The following BCO1 variants were observed in gnomAD, a reference collection of about 807,000 sequenced individuals.
BCO1 encodes the protein beta-carotene oxygenase 1.
Under a neutral mutation model 56.3 loss-of-function variants are expected in BCO1, and 54 were observed. The observed-to-expected ratio is 0.96, with a 90% confidence interval of 0.77 to 1.20. BCO1 has a LOEUF of 1.20. BCO1 is among the 50% of genes most tolerant of loss of function. The pLI is 0.00. For missense variants in BCO1, 801 were observed against 690.9 expected (o/e 1.16, Z -1.79); for synonymous variants, 318 against 266.1 (o/e 1.20, Z -1.90).
chr16:81,283,325 C>A (rs923569481), intron 8 of BCO1, among the ~76,000 whole-genome samples: 1 of 151,990 alleles, frequency 6.6e-6, no homozygotes, highest in Admixed American at 6.6e-5. Context: ...AGGCATTACT[C>A]ATGCCTGTAA....
chr16:81,268,185 G>A, intron 6 of BCO1, 54 bp downstream of exon 6: 3 of 1,525,094 alleles, frequency 2.0e-6, no homozygotes, highest in South Asian at 2.2e-5. Flanking sequence ...ATGGAGGGAG[G>A]CTGGTGTGCA....
At chr16:81,264,514 G>C in intron 4 of BCO1, 126 bp from the exon 5 acceptor site, 2 of 1,181,718 alleles carry the variant, frequency 1.7e-6, no homozygotes, top group Non-Finnish European at 2.5e-6. Context: ...TCATCTCTCT[G>C]AACCTAGAAT....
intron 2 of BCO1, among the ~76,000 whole-genome samples, chr16:81,248,502 C>G (rs1291726274): frequency 6.6e-6 from 1 of 151,804 alleles, no homozygotes; most frequent in Non-Finnish European, 1.5e-5. Context: ...GTGCCTTGCT[C>G]TAACATTTAC....
chr16:81,267,067 G>A (rs1202784958), intron 5 of BCO1, among the ~76,000 whole-genome samples: 3 of 152,292 alleles, frequency 2.0e-5, no homozygotes, highest in South Asian at 2.1e-4. Flanking sequence ...AACTGAACAC[G>A]TATTGAGCAC....
At chr16:81,276,992 G>A (rs866214925) in intron 7 of BCO1, among the ~76,000 whole-genome samples, 2 of 151,488 alleles carry the variant, frequency 1.3e-5, no homozygotes, top group Middle Eastern at 3.4e-3. Context: ...GCTCGAACCC[G>A]GGAGGCGGAG....
chr16:81,263,145 C>G (rs1344839829), intron 4 of BCO1: 1 of 140,078 alleles, frequency 7.1e-6, no homozygotes. Context: ...GTGTCTTGCT[C>G]TGTCGCCCAG....
In BCO1 at chr16:81,287,387, T is replaced by C. The variant is rs1908245233; in HGVS notation, c.1395T>C (p.Gly465=). 6.2e-7 allele frequency: 1 copy of C among 1,613,690 alleles called. No homozygotes were observed. Among genetic ancestry groups the C allele is most frequent in the African/African-American group, 1.3e-5 (1 of 74,872 alleles). Residue 465 remains glycine (G), a synonymous_variant, in exon 10 of 11, where the codon GGT becomes GGC. Transcript: ENST00000258168. ...AACCCCTGTTTGTGCCCGCGCCAGG[T>C]GCCAAGGATGAGGATGACGGTAAGA... ...PAEPLFVPAP[G]AKDEDDGVIL...
chr16:81,267,132 G>C (rs1389795432), intron 5 of BCO1, among the ~76,000 whole-genome samples: 1 of 152,128 alleles, frequency 6.6e-6, no homozygotes, highest in Non-Finnish European at 1.5e-5. Context: ...ATTTCATTCT[G>C]TTCTCTACCT....
intron 7 of BCO1, among the ~76,000 whole-genome samples, chr16:81,271,173 G>T (rs1484289022): frequency 6.6e-6 from 1 of 151,730 alleles, no homozygotes; most frequent in African/African-American, 2.4e-5. Flanking sequence ...GGAGTGCAGT[G>T]CCATGATCTA....
intron 2 of BCO1, among the ~76,000 whole-genome samples, chr16:81,252,920 C>T (rs1305257276): frequency 2.0e-5 from 3 of 152,110 alleles, no homozygotes; most frequent in African/African-American, 7.2e-5. Flanking sequence ...ACCATCCTGG[C>T]CAACATGGTG....
Position 81,264,540 on chromosome 16 carries a change from A to G in BCO1, c.472-100A>G, listed in dbSNP as rs369214670. 3.8e-5 allele frequency: 53 copies of G among 1,401,796 alleles called. No homozygotes were observed. In the African/African-American group the frequency reaches 6.5e-4, roughly 17 times the overall value. 86.8% of individuals were successfully genotyped at this position (1,401,796 alleles called of 1,614,324 possible). A position where few individuals can be genotyped will look rare whatever the true frequency, so the allele number is the denominator to read the frequency against. ...AACCTAGAATCAGTCACGTTTTCAT[A>G]GGACTTCAACCTTTCTCCTTTGAAA... On this transcript the variant is annotated intron_variant, in intron 4 of 10. Transcript: ENST00000258168.
At chr16:81,287,677 T>C (rs549025426) in intron 10 of BCO1, among the ~76,000 whole-genome samples, 1 of 152,188 alleles carries the variant, frequency 6.6e-6, no homozygotes, top group East Asian at 1.9e-4. Context: ...CAAGTGCTTA[T>C]GTTCACAGTT....
intron 3 of BCO1, 43 bp downstream of exon 3, chr16:81,259,848 C>G (rs768073650): frequency 1.2e-6 from 2 of 1,612,376 alleles, no homozygotes; most frequent in African/African-American, 2.7e-5. Context: ...ATGCTTTTTG[C>G]TATCCTTGAT....
intron 1 of BCO1, among the ~76,000 whole-genome samples, chr16:81,244,438 G>T (rs185676148): frequency 1.3e-5 from 2 of 152,082 alleles, no homozygotes; most frequent in Admixed American, 1.3e-4. Context: ...GTTCACTTTT[G>T]TTCATACTAA....
chr16:81,245,446 G>T, intron 1 of BCO1, 29 bp from the exon 2 acceptor site: 1 of 1,614,104 alleles, frequency 6.2e-7, no homozygotes, highest in Non-Finnish European at 8.5e-7. Flanking sequence ...AGGTGGAAAC[G>T]GGAAACTAAA....
chr16:81,289,755 G>C (rs892854927), intron 10 of BCO1, among the ~76,000 whole-genome samples: 2 of 152,238 alleles, frequency 1.3e-5, no homozygotes, highest in African/African-American at 4.8e-5. Flanking sequence ...ACCCTGTGGA[G>C]TGTAGGTGAG....
At chr16:81,253,732 G>A (rs577953313) in intron 2 of BCO1, among the ~76,000 whole-genome samples, 14 of 152,306 alleles carry the variant, frequency 9.2e-5, no homozygotes, top group African/African-American at 3.4e-4. Flanking sequence ...AGGATGCCAA[G>A]GCGGGAGGAT....
At chr16:81,262,318 A>T (rs1906538104) in intron 4 of BCO1, 35 bp downstream of exon 4, 1 of 1,603,594 alleles carries the variant, frequency 6.2e-7, no homozygotes, top group Non-Finnish European at 8.5e-7. Context: ...TCACTTCCTG[A>T]CTCAAGAAAG....
In BCO1 at chr16:81,284,125, G is replaced by A. The variant is rs564872607; in HGVS notation, c.1208-1415G>A. Among the ~76,000 whole-genome samples the A allele has an allele frequency of 1.2e-3, 182 of 151,518 alleles. 2 individuals carry two copies. Among genetic ancestry groups the A allele is most frequent in the African/African-American group, 4.1e-3 (171 of 41,320 alleles). On this transcript the variant is annotated intron_variant, in intron 8 of 10. Coordinates refer to ENST00000258168, the MANE Select transcript of BCO1 (RefSeq NM_017429.3). ...GGAGAATTGCTTGAACCTGGGAGGCGGTGGTTGCAGTGAGTTGAGATTGAG... is the reference window on the plus strand; with the variant it reads ...GGAGAATTGCTTGAACCTGGGAGGCAGTGGTTGCAGTGAGTTGAGATTGAG...
Sources: allele counts gnomAD v4.1 joint callset (sites outside exome capture counted in the v4.1 genomes callset), GRCh38; gene constraint gnomAD v4.1.1; transcripts MANE v1.5; gene names NCBI Gene and HGNC (gene_info 2026-07-23, HGNC 2026-07-21).